NEK7: variants seen among roughly 807,000 people sequenced by gnomAD.
The protein encoded by NEK7 is serine/threonine-protein kinase Nek7.
A neutral mutation model predicts 44.6 loss-of-function variants in NEK7; 18 were observed. The observed-to-expected ratio is 0.40, with a 90% CI of 0.28 to 0.60. The LOEUF is 0.60. Among genes scored for constraint, NEK7 ranks in the 20% least tolerant of loss-of-function variants. The pLI, the probability that NEK7 is intolerant of heterozygous loss-of-function variation, is 0.38. For synonymous variants in NEK7, 130 were observed against 121.1 expected (o/e 1.07, Z -0.48); for missense variants, 256 against 366.5 (o/e 0.70, Z 2.46).
At chr1:198,256,543 T>G in intron 3 of NEK7, 3 of 1,477,930 alleles carry the variant, frequency 2.0e-6, no homozygotes, top group Non-Finnish European at 2.7e-6. Context: ...CAACTTTGCT[T>G]TTCTTTCTCT....
intron 1 of NEK7, among the ~76,000 whole-genome samples, chr1:198,219,425 G>A (rs987810126): frequency 1.3e-5 from 2 of 151,430 alleles, no homozygotes; most frequent in Admixed American, 1.3e-4. Flanking sequence ...GAATTGGAGG[G>A]CATTATTCTA....
At chr1:198,315,455 C>G (rs1288929624) in intron 9 of NEK7, among the ~76,000 whole-genome samples, 1 of 152,200 alleles carries the variant, frequency 6.6e-6, no homozygotes. Context: ...CATCTTGGCT[C>G]CTCCTCCCCA....
intron 1 of NEK7, among the ~76,000 whole-genome samples, chr1:198,179,805 G>GTGTGTGTA: frequency 6.8e-6 from 1 of 148,046 alleles, no homozygotes; most frequent in African/African-American, 2.5e-5. Context: ...AGGAGTGTGT[G>GTGTGTGTA]TGTGTGTGTA....
chr1:198,163,054 G>A (rs756631199), intron 1 of NEK7, among the ~76,000 whole-genome samples: 15 of 151,888 alleles, frequency 9.9e-5, no homozygotes, highest in Non-Finnish European at 2.2e-4. Flanking sequence ...ATTTTATTAT[G>A]GTTATAATCA....
chr1:198,300,835 A>C (rs1014554228), intron 9 of NEK7, among the ~76,000 whole-genome samples: 1 of 152,240 alleles, frequency 6.6e-6, no homozygotes, highest in Non-Finnish European at 1.5e-5. Flanking sequence ...CTGTAGAGTA[A>C]GGCAGAAAAT....
chr1:198,283,551 G>A (rs1357286756), intron 7 of NEK7, among the ~76,000 whole-genome samples: 2 of 151,968 alleles, frequency 1.3e-5, no homozygotes, highest in African/African-American at 4.8e-5. Flanking sequence ...TTCAATTGTT[G>A]TTTTTGTATT....
intron 8 of NEK7, among the ~76,000 whole-genome samples, chr1:198,293,998 A>G (rs1654635899): frequency 6.6e-6 from 1 of 151,902 alleles, no homozygotes; most frequent in Non-Finnish European, 1.5e-5. Flanking sequence ...GAAATCATCT[A>G]TTTTAATTGT....
intron 1 of NEK7, among the ~76,000 whole-genome samples, chr1:198,186,751 C>T (rs889490160): frequency 6.6e-6 from 1 of 152,118 alleles, no homozygotes; most frequent in African/African-American, 2.4e-5. Context: ...TTATCTCATA[C>T]AACACTTGAT....
intron 1 of NEK7, among the ~76,000 whole-genome samples, chr1:198,158,734 T>C (rs922876545): frequency 6.6e-6 from 1 of 152,190 alleles, no homozygotes. Flanking sequence ...GGCCAAGTGC[T>C]CTTGAAACAG....
chr1:198,202,220 T>C (rs994157536), intron 1 of NEK7, among the ~76,000 whole-genome samples: 1 of 152,136 alleles, frequency 6.6e-6, no homozygotes, highest in Non-Finnish European at 1.5e-5. Context: ...AATCATCATA[T>C]TAATGTTTCA....
intron 1 of NEK7, among the ~76,000 whole-genome samples, chr1:198,224,260 T>C (rs1666149349): frequency 6.6e-6 from 1 of 151,986 alleles, no homozygotes; most frequent in Admixed American, 6.6e-5. Context: ...ATGTTTGTAG[T>C]GCAATGCATT....
At chr1:198,185,175 T>A (rs991669946) in intron 1 of NEK7, among the ~76,000 whole-genome samples, 2 of 149,778 alleles carry the variant, frequency 1.3e-5, no homozygotes, top group African/African-American at 4.9e-5. Context: ...TTTTACATAG[T>A]AGTACATGCT....
chr1:198,294,993 A>T (rs1455795956), intron 8 of NEK7, among the ~76,000 whole-genome samples: 1 of 152,120 alleles, frequency 6.6e-6, no homozygotes, highest in Admixed American at 6.5e-5. Flanking sequence ...TGTACCCACT[A>T]AAAAATTACT....
Position 198,319,435 on chromosome 1 carries a change from C to T in NEK7, c.822C>T (p.Cys274=), listed in dbSNP as rs1397734803. 1 of 1,612,096 alleles carries T rather than the reference C, an allele frequency of 6.2e-7. No homozygotes were observed. The highest frequency in any genetic ancestry group is 8.5e-7 in the Non-Finnish European group (1 of 1,178,698). ...SEELRQLVNM[C]INPDPEKRPD... ...AGCTCCGACAGTTAGTTAATATGTG[C>T]ATCAACCCAGATCCAGAGAAGCGAC... is the stretch of plus-strand genomic sequence containing the variant. The change falls in exon 10 of 10, where the codon TGC becomes TGT. Residue 274 remains cysteine, a synonymous_variant. Transcript: ENST00000367385.
At position 198,262,561 on chromosome 1, in the gene NEK7, G is replaced by T; in HGVS notation, c.199-14G>T. The stretch of plus-strand genomic sequence containing the variant: ...GTTATTATTTTATTAAGTAATTCTG[G>T]GTTCTGTTTTTAGATATTTGATTTA... On this transcript the variant is annotated splice_polypyrimidine_tract_variant and intron_variant, in intron 3 of 9. Transcript: ENST00000367385. The T allele has an allele frequency of 1.3e-6, 2 of 1,532,994 alleles. No homozygotes were observed. Among genetic ancestry groups the T allele is most frequent in the South Asian group, 1.1e-5 (1 of 87,056 alleles). 95.0% of individuals were successfully genotyped at this position (1,532,994 alleles called of 1,614,324 possible). A position where few individuals can be genotyped will look rare whatever the true frequency, so the allele number is the denominator to read the frequency against.
intron 5 of NEK7, among the ~76,000 whole-genome samples, chr1:198,274,172 T>TTTTTTTTTTTTTTTTTTTTTGAGACG (rs1653941868): frequency 1.4e-5 from 2 of 143,820 alleles, no homozygotes; most frequent in South Asian, 2.2e-4. Flanking sequence ...AGTTCTCTTA[T>TTTTTTTTTTTTTTTTTTTTTGAGACG]GACTTCATTA....
At chr1:198,310,809 G>A (rs1655159398) in intron 9 of NEK7, among the ~76,000 whole-genome samples, 1 of 151,904 alleles carries the variant, frequency 6.6e-6, no homozygotes, top group South Asian at 2.1e-4. Flanking sequence ...TCTCTGTTTT[G>A]GACCACTACC....
chr1:198,255,059 G>A (rs1653206721), intron 3 of NEK7, among the ~76,000 whole-genome samples: 1 of 152,078 alleles, frequency 6.6e-6, no homozygotes, highest in African/African-American at 2.4e-5. Context: ...CCTGTGGCAT[G>A]GGTTCCTGAT....
intron 9 of NEK7, among the ~76,000 whole-genome samples, chr1:198,304,554 T>C (rs565024458): frequency 2.6e-5 from 4 of 152,244 alleles, no homozygotes; most frequent in East Asian, 1.9e-4. Context: ...CCAATAGCAC[T>C]AGTCTTTATT....
Sources: allele counts gnomAD v4.1 joint callset (sites outside exome capture counted in the v4.1 genomes callset), GRCh38; gene constraint gnomAD v4.1.1; transcripts MANE v1.5; gene names NCBI Gene and HGNC (gene_info 2026-07-23, HGNC 2026-07-21).